RAPGEF5: variants seen among roughly 807,000 people sequenced by gnomAD.
The protein encoded by RAPGEF5 is Rap guanine nucleotide exchange factor 5.
A neutral mutation model predicts 125.2 loss-of-function variants in RAPGEF5; 65 were observed. The ratio of observed to expected loss-of-function variants is 0.52; its 90% confidence interval spans 0.43 to 0.64. RAPGEF5 has a LOEUF of 0.64. RAPGEF5 is among the 30% of genes least tolerant of loss of function. RAPGEF5 has a pLI of 0.00. For missense variants in RAPGEF5, 958 were observed against 1,048.1 expected (o/e 0.91, Z 1.19); for synonymous variants, 391 against 385.9 (o/e 1.01, Z -0.16).
chr7:22,322,110 C>G (rs1783725486), intron 1 of RAPGEF5, among the ~76,000 whole-genome samples: 1 of 151,778 alleles, frequency 6.6e-6, no homozygotes. Flanking sequence ...GAGACTACAC[C>G]AAGTTTTTGG....
Position 22,356,937 on chromosome 7 carries a change from C to CGGGCTCCCGGGCGCTG in RAPGEF5, c.108_123dup (p.Glu42GlnfsTer49). 9.4e-7 allele frequency: 1 copy of CGGGCTCCCGGGCGCTG among 1,059,420 alleles called. No homozygotes were observed. Among genetic ancestry groups the CGGGCTCCCGGGCGCTG allele is most frequent in the Non-Finnish European group, 1.1e-6 (1 of 879,926 alleles). The allele number at this position is 1,059,420 out of a possible 1,614,324, so 65.6% of individuals were successfully genotyped here. On this transcript the variant is annotated frameshift_variant, in exon 1 of 26. Coordinates refer to ENST00000665637, the MANE Select transcript of RAPGEF5 (RefSeq NM_012294.5). LOFTEE classifies it high-confidence loss of function. ...AGCGACGCCGGCGGCTGCTCGCGCT[C>CGGGCTCCCGGGCGCTG]GGGCTCCCGGGCGCTGGGGCTGCGG...
chr7:22,218,371 T>C (rs1020637959), intron 9 of RAPGEF5, among the ~76,000 whole-genome samples: 6 of 152,338 alleles, frequency 3.9e-5, no homozygotes, highest in African/African-American at 1.4e-4. Flanking sequence ...TGTTTGATTT[T>C]TGAAAGATCT....
intron 16 of RAPGEF5, among the ~76,000 whole-genome samples, chr7:22,156,392 C>T (rs1281996371): frequency 6.6e-6 from 1 of 152,172 alleles, no homozygotes; most frequent in Non-Finnish European, 1.5e-5. Flanking sequence ...AGTTTCTTCT[C>T]GTGGACTGAG....
intron 1 of RAPGEF5, among the ~76,000 whole-genome samples, chr7:22,332,298 G>C (rs995486124): frequency 6.6e-6 from 1 of 152,178 alleles, no homozygotes; most frequent in African/African-American, 2.4e-5. Context: ...TTAATGCCCT[G>C]TCAAACCTTC....
rs115970996 is a variant in RAPGEF5, at chr7:22,202,890, C to T, written c.997-8857G>A. On this transcript the variant is annotated intron_variant, in intron 9 of 25. Transcript: ENST00000665637. ...CCTACCTTATAGACCCAGTTGAATA[C>T]TGGACACAGAGAAAGCCCTCAGTAA... 652 of 360,602 alleles carry T rather than the reference C, an allele frequency of 1.8e-3. 5 individuals are homozygous for T. The highest frequency in any genetic ancestry group is 0.013 in the African/African-American group (620 of 46,764). 22.3% of individuals were successfully genotyped at this position (360,602 alleles called of 1,614,324 possible). A position where few individuals can be genotyped will look rare whatever the true frequency, so the allele number is the denominator to read the frequency against.
chr7:22,220,012 C>T (rs754035611), intron 8 of RAPGEF5, 21 bp from the exon 9 acceptor site: 22 of 1,612,344 alleles, frequency 1.4e-5, no homozygotes, highest in Admixed American at 3.3e-5. Context: ...GGAGAAAAAG[C>T]GAAGATATAC....
intron 8 of RAPGEF5, among the ~76,000 whole-genome samples, chr7:22,226,212 A>G (rs541681958): frequency 6.6e-6 from 1 of 152,246 alleles, no homozygotes; most frequent in Non-Finnish European, 1.5e-5. Context: ...TTGCAATAAC[A>G]GAATGCTATT....
chr7:22,206,800 T>G (rs959196920), intron 9 of RAPGEF5, among the ~76,000 whole-genome samples: 3 of 151,584 alleles, frequency 2.0e-5, no homozygotes, highest in African/African-American at 4.8e-5. Flanking sequence ...AAAGACAATA[T>G]TAAAAATAAA....
intron 9 of RAPGEF5, among the ~76,000 whole-genome samples, chr7:22,199,201 T>G (rs1468576396): frequency 1.3e-5 from 2 of 152,116 alleles, no homozygotes; most frequent in Non-Finnish European, 2.9e-5. Flanking sequence ...AGGAGCTGAA[T>G]GCAGTGGTAT....
At chr7:22,138,762 C>T (rs1047386025) in intron 21 of RAPGEF5, among the ~76,000 whole-genome samples, 9 of 152,224 alleles carry the variant, frequency 5.9e-5, no homozygotes, top group Admixed American at 2.6e-4. Flanking sequence ...GCAGTCAATG[C>T]GCAGATTAAA....
intron 2 of RAPGEF5, among the ~76,000 whole-genome samples, chr7:22,316,022 T>C (rs1783581392): frequency 6.6e-6 from 1 of 152,180 alleles, no homozygotes; most frequent in African/African-American, 2.4e-5. Flanking sequence ...AGCATCCGGT[T>C]TCATCTACTT....
intron 9 of RAPGEF5, among the ~76,000 whole-genome samples, chr7:22,197,125 A>G (rs1463199149): frequency 6.6e-6 from 1 of 152,184 alleles, no homozygotes; most frequent in Non-Finnish European, 1.5e-5. Context: ...CCTGCCTGAC[A>G]CTGTAACATT....
At chr7:22,271,524 C>A (rs549765153) in intron 6 of RAPGEF5, among the ~76,000 whole-genome samples, 15 of 152,196 alleles carry the variant, frequency 9.9e-5, no homozygotes, top group Admixed American at 2.0e-4. Context: ...TATTCAAGTA[C>A]AAAGAAAATT....
Position 22,156,847 on chromosome 7 carries a change from C to T in RAPGEF5, c.1599G>A (p.Trp533Ter). ...LFHQFSLKEN[W>*]LQHRGTVTET... ...CAGTCACAGTTCCTCTATGCTGGAG[C>T]CAGTTCTCCTTAAGACTGAATTGGT... is the stretch of plus-strand genomic sequence containing the variant. The change falls in exon 16 of 26, where the codon TGG (tryptophan) becomes TGA (stop). Residue 533 changes from tryptophan (W) to a stop codon, truncating the protein, a stop_gained. Coordinates refer to ENST00000665637, the MANE Select transcript of RAPGEF5 (RefSeq NM_012294.5). LOFTEE classifies it high-confidence loss of function. 6.2e-7 allele frequency: 1 copy of T among 1,613,936 alleles called. No homozygotes were observed. Among genetic ancestry groups the T allele is most frequent in the Non-Finnish European group, 8.5e-7 (1 of 1,179,850 alleles).
chr7:22,308,250 G>A, intron 5 of RAPGEF5, 89 bp downstream of exon 5: 1 of 1,268,160 alleles, frequency 7.9e-7, no homozygotes, highest in South Asian at 1.9e-5. Flanking sequence ...AAGTGAGACA[G>A]TGATCTTAAA....
chr7:22,191,344 T>C (rs1784990731), intron 11 of RAPGEF5: 2 of 324,520 alleles, frequency 6.2e-6, no homozygotes, highest in African/African-American at 4.3e-5. Flanking sequence ...TAGGCATCTC[T>C]TTTATATACA....
At chr7:22,276,913 G>A (rs1782571554) in intron 6 of RAPGEF5, among the ~76,000 whole-genome samples, 1 of 152,188 alleles carries the variant, frequency 6.6e-6, no homozygotes. Context: ...TGAGCTGAAT[G>A]ACAGAAGAAA....
At chr7:22,186,907 G>C (rs1020028966) in intron 11 of RAPGEF5, among the ~76,000 whole-genome samples, 1 of 152,186 alleles carries the variant, frequency 6.6e-6, no homozygotes, top group African/African-American at 2.4e-5. Context: ...GAATTTAGTA[G>C]TAGAGTGATA....
At chr7:22,189,980 A>G (rs1784941164) in intron 11 of RAPGEF5, among the ~76,000 whole-genome samples, 1 of 152,098 alleles carries the variant, frequency 6.6e-6, no homozygotes, top group Non-Finnish European at 1.5e-5. Context: ...CTTCTCTTTA[A>G]AAGTTTAGGA....
Sources: allele counts gnomAD v4.1 joint callset (sites outside exome capture counted in the v4.1 genomes callset), GRCh38; gene constraint gnomAD v4.1.1; transcripts MANE v1.5; gene names NCBI Gene and HGNC (gene_info 2026-07-23, HGNC 2026-07-21).